The following GPM6A variants were observed in gnomAD, a reference collection of about 807,000 sequenced individuals.
GPM6A encodes glycoprotein M6A.
In GPM6A, 7 loss-of-function variants were observed where a neutral mutation model predicts 32.1. The observed-to-expected ratio is 0.22, with a 90% CI of 0.12 to 0.41. The LOEUF (loss-of-function observed/expected upper bound fraction) is 0.41. Among genes scored for constraint, GPM6A ranks in the 10% least tolerant of loss-of-function variants. The probability of loss-of-function intolerance (pLI) is 1.00; values close to 1 mark genes in which losing one functional copy is unlikely to be tolerated. For synonymous variants in GPM6A, 130 were observed against 123.4 expected, an observed-to-expected ratio of 1.05 and a Z score of -0.35; for missense variants, 235 against 347.2, an observed-to-expected ratio of 0.68 and a Z score of 2.57.
chr4:175,659,063 A>C (rs1742250271), intron 3 of GPM6A, among the ~76,000 whole-genome samples: 1 of 151,804 alleles, frequency 6.6e-6, no homozygotes, highest in Admixed American at 6.6e-5. Flanking sequence ...CATATGAGAT[A>C]AATTGTTTTT....
chr4:175,739,467 T>C (rs977089412), intron 1 of GPM6A, among the ~76,000 whole-genome samples: 1 of 152,142 alleles, frequency 6.6e-6, no homozygotes, highest in Admixed American at 6.5e-5. Flanking sequence ...CTAATGCCTG[T>C]AGCTTAATAC....
chr4:175,787,557 T>A, intron 1 of GPM6A: 7 of 1,393,356 alleles, frequency 5.0e-6, no homozygotes, highest in Non-Finnish European at 6.5e-6. Flanking sequence ...AATGATTACA[T>A]ACTTGTTGAT....
rs765911328 is a variant in GPM6A, at chr4:175,673,881, C to T, written c.231-45G>A. ...GATTTATTTCAATAACTTTTCATTGCTGCTGTGCAGAAATTGATTCTCACA... is the reference window on the plus strand; with the variant it reads ...GATTTATTTCAATAACTTTTCATTGTTGCTGTGCAGAAATTGATTCTCACA... On this transcript the variant is annotated intron_variant, in intron 2 of 6. Coordinates refer to ENST00000393658, the MANE Select transcript of GPM6A (RefSeq NM_201591.3). The T allele has an allele frequency of 2.2e-5, 30 of 1,352,020 alleles. No individual in the cohort carries two copies. The African/African-American group carries it at 3.3e-4, about 15-fold the overall frequency. 83.8% of individuals were successfully genotyped at this position (1,352,020 alleles called of 1,614,324 possible).
chr4:175,809,712 G>A (rs1321755801), intron 1 of GPM6A, among the ~76,000 whole-genome samples: 1 of 152,172 alleles, frequency 6.6e-6, no homozygotes. Flanking sequence ...ATTCTCAATT[G>A]TCTTTTAAAG....
intron 1 of GPM6A, among the ~76,000 whole-genome samples, chr4:175,864,395 T>C (rs998723727): frequency 1.3e-5 from 2 of 152,040 alleles, no homozygotes; most frequent in Admixed American, 6.5e-5. Context: ...CTCAAACTCC[T>C]GGACTCAAGC....
At chr4:175,978,747 A>C (rs1359836489) in intron 1 of GPM6A, among the ~76,000 whole-genome samples, 4 of 152,196 alleles carry the variant, frequency 2.6e-5, no homozygotes, top group Admixed American at 6.5e-5. Flanking sequence ...CCAATATCTG[A>C]GTTTTAATCT....
intron 1 of GPM6A, among the ~76,000 whole-genome samples, chr4:175,862,244 G>A (rs1736596211): frequency 1.3e-5 from 2 of 152,136 alleles, no homozygotes; most frequent in Non-Finnish European, 1.5e-5. Context: ...ATATATCCAT[G>A]TAAACAGCAC....
chr4:175,829,094 C>T (rs564313055), intron 1 of GPM6A, among the ~76,000 whole-genome samples: 102 of 152,180 alleles, frequency 6.7e-4, no homozygotes, highest in African/African-American at 2.4e-3. Context: ...GCATGTCTGG[C>T]TAATTTTTTG....
At chr4:175,989,754 A>C (rs2126457848) in intron 1 of GPM6A, among the ~76,000 whole-genome samples, 1 of 152,288 alleles carries the variant, frequency 6.6e-6, no homozygotes, top group African/African-American at 2.4e-5. Context: ...GTCTTTGGGT[A>C]AAATTTTATA....
intron 1 of GPM6A, among the ~76,000 whole-genome samples, chr4:175,727,804 G>A (rs775679522): frequency 2.4e-4 from 37 of 152,054 alleles, no homozygotes; most frequent in Non-Finnish European, 3.8e-4. Flanking sequence ...AGGAGTTTGC[G>A]ACCAGCCTGA....
At chr4:175,759,717 A>G (rs1169446349) in intron 1 of GPM6A, among the ~76,000 whole-genome samples, 1 of 152,222 alleles carries the variant, frequency 6.6e-6, no homozygotes, top group African/African-American at 2.4e-5. Context: ...ATACCATCCC[A>G]TAGCTTTTGA....
intron 1 of GPM6A, among the ~76,000 whole-genome samples, chr4:175,835,484 C>T (rs959432524): frequency 2.0e-5 from 3 of 151,604 alleles, no homozygotes; most frequent in Admixed American, 2.0e-4. Context: ...GGATGAAATA[C>T]AAAAATATAT....
chr4:175,983,557 T>A (rs1444789091), intron 1 of GPM6A, among the ~76,000 whole-genome samples: 1 of 152,222 alleles, frequency 6.6e-6, no homozygotes, highest in Non-Finnish European at 1.5e-5. Flanking sequence ...TTTTCTTTTT[T>A]AATCTGTTCT....
rs146658517 is a variant in GPM6A at position 175,971,270 on chromosome 4, G to GAAAAA, written c.-23+31034_-23+31038dup. Among the ~76,000 whole-genome samples the GAAAAA allele has an allele frequency of 5.1e-4, 67 of 132,044 alleles. 1 individual carries two copies. The highest frequency in any genetic ancestry group is 1.8e-3 in the African/African-American group (64 of 36,378). The allele number at this position is 132,044 out of a possible 152,430, so 86.6% of individuals were successfully genotyped here. A position where few individuals can be genotyped will look rare whatever the true frequency, so the allele number is the denominator to read the frequency against. On this transcript the variant is annotated intron_variant, in intron 1 of 7. Coordinates refer to the GPM6A transcript ENST00000280187. ...CATTAGTGTTCTCTTTATCTTCCGT[G>GAAAAA]AAAAAAAAAAAAAAAAATTCTGAAA... is the stretch of plus-strand genomic sequence containing the variant.
intron 1 of GPM6A, among the ~76,000 whole-genome samples, chr4:175,791,973 A>G (rs1734030451): frequency 6.6e-6 from 1 of 152,178 alleles, no homozygotes; most frequent in Non-Finnish European, 1.5e-5. Context: ...TTAGTTATTA[A>G]TCATATAACC....
At chr4:175,647,529 A>G (rs1366585663) in intron 4 of GPM6A, among the ~76,000 whole-genome samples, 1 of 152,202 alleles carries the variant, frequency 6.6e-6, no homozygotes, top group African/African-American at 2.4e-5. Context: ...ACTGTTCGAA[A>G]TGCATAAATT....
chr4:175,882,136 A>G (rs1737299774), intron 1 of GPM6A, among the ~76,000 whole-genome samples: 1 of 152,010 alleles, frequency 6.6e-6, no homozygotes, highest in African/African-American at 2.4e-5. Context: ...AATTTTAGCT[A>G]TTTCCACTGT....
chr4:175,779,063 A>G (rs1002010073), intron 1 of GPM6A, among the ~76,000 whole-genome samples: 2 of 152,158 alleles, frequency 1.3e-5, no homozygotes, highest in Non-Finnish European at 2.9e-5. Flanking sequence ...CAGAAAAAAA[A>G]GAATAATTGC....
At chr4:175,993,079 A>C (rs1741199012) in intron 1 of GPM6A, among the ~76,000 whole-genome samples, 1 of 151,666 alleles carries the variant, frequency 6.6e-6, no homozygotes, top group South Asian at 2.1e-4. Context: ...CCCAACAAAA[A>C]TCTTTGCTTG....
Sources: gnomAD v4.1 joint callset for allele counts (sites outside exome capture counted in the v4.1 genomes callset) on GRCh38, gnomAD v4.1.1 for gene constraint, MANE v1.5 for transcripts, NCBI Gene and HGNC (gene_info 2026-07-23, HGNC 2026-07-21) for gene names.